Variants in NEK11 observed in about 807,000 individuals in gnomAD.
The protein encoded by NEK11 is serine/threonine-protein kinase Nek11.
A neutral mutation model predicts 80.7 loss-of-function variants in NEK11; 72 were observed. The ratio of observed to expected loss-of-function variants is 0.89; its 90% CI spans 0.74 to 1.08. The LOEUF is 1.08. Ranked by LOEUF, NEK11 falls within the 50% of genes least tolerant of loss-of-function variation. The pLI, the probability that NEK11 is intolerant of heterozygous loss-of-function variation, is 0.00. For synonymous variants in NEK11, 251 were observed against 260.7 expected (o/e 0.96, Z 0.36); for missense variants, 764 against 763.6 (o/e 1.00, Z -0.01).
At chr3:131,215,706 A>T (rs940845086) in intron 14 of NEK11, among the ~76,000 whole-genome samples, 4 of 152,210 alleles carry the variant, frequency 2.6e-5, no homozygotes, top group African/African-American at 9.6e-5. Flanking sequence ...CTACATCCAC[A>T]ACTGTGAGAG....
intron 3 of NEK11, among the ~76,000 whole-genome samples, chr3:131,045,769 T>G (rs2067283203): frequency 6.6e-6 from 1 of 152,236 alleles, no homozygotes; most frequent in Non-Finnish European, 1.5e-5. Context: ...GTAATTGTTT[T>G]GTAAATTTGG....
At chr3:131,270,341 T>C (rs1038856860) in intron 16 of NEK11, among the ~76,000 whole-genome samples, 22 of 152,204 alleles carry the variant, frequency 1.4e-4, no homozygotes, top group African/African-American at 5.1e-4. Context: ...ACCAGCAGCA[T>C]TGGTATCACC....
chr3:131,239,026 T>A (rs2095479981), intron 15 of NEK11, among the ~76,000 whole-genome samples: 1 of 152,014 alleles, frequency 6.6e-6, no homozygotes, highest in East Asian at 1.9e-4. Context: ...GTCTGCAGCC[T>A]GCATTGAGGC....
In NEK11 at chr3:131,312,567, C is replaced by A. The variant is rs146651507; in HGVS notation, c.1719-36990C>A. ...TCCAGGGCTCCTTCCTCTGAGGAAT[C>A]TATTCATAGCCTGAATCTGTTTCTT... On this transcript the variant is annotated intron_variant, in intron 17 of 17. Coordinates refer to ENST00000383366, the MANE Select transcript of NEK11 (RefSeq NM_024800.5). 7.9e-4 allele frequency among the ~76,000 whole-genome samples: 121 copies of A among 152,262 alleles called. 3 individuals carry two copies. The East Asian group carries it at 0.019, about 23-fold the overall frequency.
At chr3:131,310,697 A>G (rs1300217544) in intron 17 of NEK11, among the ~76,000 whole-genome samples, 1 of 152,208 alleles carries the variant, frequency 6.6e-6, no homozygotes, top group African/African-American at 2.4e-5. Context: ...CTGCTTCTAA[A>G]ACATCTGCAG....
At chr3:131,265,718 A>G (rs1457765556) in intron 16 of NEK11, among the ~76,000 whole-genome samples, 1 of 152,130 alleles carries the variant, frequency 6.6e-6, no homozygotes, top group African/African-American at 2.4e-5. Flanking sequence ...TATCAGGATG[A>G]TGCTGGCCTC....
At chr3:131,150,930 A>T (rs750562592) in intron 7 of NEK11, among the ~76,000 whole-genome samples, 2 of 151,858 alleles carry the variant, frequency 1.3e-5, no homozygotes, top group African/African-American at 4.8e-5. Flanking sequence ...ATTTCCTCTT[A>T]ATTTGAAGGA....
chr3:131,093,445 A>G (rs961188408), intron 4 of NEK11, among the ~76,000 whole-genome samples: 4 of 150,874 alleles, frequency 2.7e-5, no homozygotes, highest in African/African-American at 9.8e-5. Context: ...TTTTTTTGAG[A>G]CAGAGTCTCG....
intron 17 of NEK11, among the ~76,000 whole-genome samples, chr3:131,287,814 G>A (rs2336820): frequency 0.15 from 22,644 of 152,044 alleles, 2,685 homozygotes; most frequent in African/African-American, 0.32. Context: ...CTTGGAGAAC[G>A]CTATTATACC....
chr3:131,131,017 G>C (rs1292771261), intron 5 of NEK11, among the ~76,000 whole-genome samples: 1 of 152,140 alleles, frequency 6.6e-6, no homozygotes, highest in Non-Finnish European at 1.5e-5. Flanking sequence ...GGCCAGGCTG[G>C]TGTCGAACTC....
intron 16 of NEK11, among the ~76,000 whole-genome samples, chr3:131,256,441 A>G (rs2108386795): frequency 6.6e-6 from 1 of 152,324 alleles, no homozygotes; most frequent in African/African-American, 2.4e-5. Context: ...AACTTACTCT[A>G]ACATAGGTCT....
At chr3:131,077,010 A>G (rs1370928006) in intron 3 of NEK11, among the ~76,000 whole-genome samples, 1 of 152,156 alleles carries the variant, frequency 6.6e-6, no homozygotes, top group Non-Finnish European at 1.5e-5. Flanking sequence ...CATCTTCCCC[A>G]TTTCTGCAAA....
chr3:131,323,869 C>T (rs574700818), intron 17 of NEK11, among the ~76,000 whole-genome samples: 1 of 152,254 alleles, frequency 6.6e-6, no homozygotes, highest in Admixed American at 6.5e-5. Flanking sequence ...AACCAAGGCA[C>T]TTTTGAGAGT....
chr3:131,080,365 A>G, intron 3 of NEK11, 58 bp from the exon 4 acceptor site: 1 of 1,290,586 alleles, frequency 7.7e-7, no homozygotes, highest in Non-Finnish European at 1.1e-6. Flanking sequence ...CCACTTGATG[A>G]TATTTGTTAA....
intron 6 of NEK11, chr3:131,133,274 C>G (rs1049096355): frequency 2.2e-6 from 1 of 455,614 alleles, no homozygotes; most frequent in Admixed American, 2.4e-5. Flanking sequence ...CTCCTCATAA[C>G]AGCTACTGGA....
intron 7 of NEK11, among the ~76,000 whole-genome samples, chr3:131,135,948 G>C (rs924816987): frequency 6.6e-6 from 1 of 151,802 alleles, no homozygotes; most frequent in Middle Eastern, 3.2e-3. Context: ...ATTTGTCTCA[G>C]TTATGTCAGT....
chr3:131,248,362 A>C (rs562091223), intron 16 of NEK11, among the ~76,000 whole-genome samples: 1 of 152,164 alleles, frequency 6.6e-6, no homozygotes, highest in African/African-American at 2.4e-5. Context: ...ATGGTTCTTA[A>C]AAAATTTATG....
intron 5 of NEK11, among the ~76,000 whole-genome samples, chr3:131,118,569 C>T (rs2081740278): frequency 6.6e-6 from 1 of 152,190 alleles, no homozygotes; most frequent in African/African-American, 2.4e-5. Context: ...GTTTGTACCT[C>T]TGGTAGAATT....
At chr3:131,163,832 TG>T (rs1181204345) in intron 11 of NEK11, among the ~76,000 whole-genome samples, 3 of 152,196 alleles carry the variant, frequency 2.0e-5, no homozygotes, top group African/African-American at 7.2e-5. Flanking sequence ...AAAAAATACA[TG>T]TATAAAAATG....
Sources: gnomAD v4.1 joint callset for allele counts (sites outside exome capture counted in the v4.1 genomes callset) on GRCh38, gnomAD v4.1.1 for gene constraint, MANE v1.5 for transcripts, NCBI Gene and HGNC (gene_info 2026-07-23, HGNC 2026-07-21) for gene names.